The following CNTNAP2 variants were observed in gnomAD, a reference collection of about 807,000 sequenced individuals.
The protein encoded by CNTNAP2 is contactin associated protein 2.
A neutral mutation model predicts 155.2 loss-of-function variants in CNTNAP2; 98 were observed. The observed-to-expected ratio is 0.63, with a 90% CI of 0.54 to 0.75. The LOEUF is 0.75. Ranked by LOEUF, CNTNAP2 falls within the 30% of genes least tolerant of loss-of-function variation. CNTNAP2 has a pLI of 0.00. For synonymous variants in CNTNAP2, 651 were observed against 631.2 expected, an observed-to-expected ratio of 1.03 and a Z score of -0.47; for missense variants, 1,727 against 1,688.1, an observed-to-expected ratio of 1.02 and a Z score of -0.40.
chr7:147,852,290 C>G (rs1397598862), intron 13 of CNTNAP2, among the ~76,000 whole-genome samples: 2 of 152,214 alleles, frequency 1.3e-5, no homozygotes, highest in Middle Eastern at 3.2e-3. Context: ...TTTCCATCCA[C>G]TCTTCCTATT....
intron 9 of CNTNAP2, among the ~76,000 whole-genome samples, chr7:147,394,047 C>A (rs754190775): frequency 1.3e-5 from 2 of 152,032 alleles, no homozygotes; most frequent in Non-Finnish European, 2.9e-5. Context: ...CAAATCTCAT[C>A]TTGAATTGTA....
chr7:147,797,568 AAAT>A (rs1797917718), intron 13 of CNTNAP2, among the ~76,000 whole-genome samples: 1 of 152,160 alleles, frequency 6.6e-6, no homozygotes, highest in African/African-American at 2.4e-5. Flanking sequence ...TATTTTGTCA[AAAT>A]AAGTTTTAGA....
chr7:147,533,248 A>T (rs1799473977), intron 11 of CNTNAP2, among the ~76,000 whole-genome samples: 1 of 152,198 alleles, frequency 6.6e-6, no homozygotes, highest in African/African-American at 2.4e-5. Context: ...TTCAAAGATA[A>T]TGTTTATTCA....
intron 21 of CNTNAP2, among the ~76,000 whole-genome samples, chr7:148,343,740 C>T (rs1454142910): frequency 2.6e-5 from 4 of 152,158 alleles, no homozygotes; most frequent in African/African-American, 9.7e-5. Context: ...GGATGATTGA[C>T]AAAATTCTGG....
chr7:148,065,688 G>A (rs982906927), intron 15 of CNTNAP2, among the ~76,000 whole-genome samples: 5 of 152,072 alleles, frequency 3.3e-5, no homozygotes, highest in Admixed American at 2.0e-4. Context: ...CCTTATGTTA[G>A]GTGAGTCTCT....
At chr7:147,123,168 G>A (rs191449493) in intron 6 of CNTNAP2, among the ~76,000 whole-genome samples, 1 of 152,110 alleles carries the variant, frequency 6.6e-6, no homozygotes. Flanking sequence ...GAAAATGTAT[G>A]TGAACATCCC....
At chr7:148,375,760 C>T (rs892878890) in intron 21 of CNTNAP2, among the ~76,000 whole-genome samples, 2 of 150,546 alleles carry the variant, frequency 1.3e-5, no homozygotes, top group African/African-American at 2.5e-5. Context: ...TTTGGGAGGC[C>T]GAGGCAGGTG....
chr7:146,327,686 G>C (rs1801119778), intron 1 of CNTNAP2, among the ~76,000 whole-genome samples: 1 of 152,118 alleles, frequency 6.6e-6, no homozygotes, highest in South Asian at 2.1e-4. Flanking sequence ...AGTGGCTTTT[G>C]TAATAAAAAG....
At chr7:146,855,231 A>C (rs1463671182) in intron 3 of CNTNAP2, among the ~76,000 whole-genome samples, 1 of 152,190 alleles carries the variant, frequency 6.6e-6, no homozygotes, top group Admixed American at 6.5e-5. Flanking sequence ...TATACTCCTG[A>C]TGAGCATGTC....
At chr7:147,083,517 T>C (rs891265072) in intron 4 of CNTNAP2, among the ~76,000 whole-genome samples, 4 of 135,558 alleles carry the variant, frequency 3.0e-5, no homozygotes, top group Non-Finnish European at 6.3e-5. Flanking sequence ...AAAGTAAACA[T>C]CATTTTATAT....
At chr7:146,548,657 G>A (rs1433858278) in intron 1 of CNTNAP2, among the ~76,000 whole-genome samples, 1 of 151,886 alleles carries the variant, frequency 6.6e-6, no homozygotes, top group African/African-American at 2.4e-5. Flanking sequence ...GTCTGGTCAA[G>A]TCCATAGCTC....
rs118004953 is a variant in CNTNAP2, at chr7:148,048,938, G to A, written c.2384-69180G>A. On this transcript the variant is annotated intron_variant, in intron 15 of 23. Coordinates refer to ENST00000361727, the MANE Select transcript of CNTNAP2 (RefSeq NM_014141.6). Reference sequence around the variant, plus strand: ...CTATAAAAATGTGGCTAGGCCGGGCGTGGTGGCTCGTGCCTGTAATCCCAG... The same window carrying A: ...CTATAAAAATGTGGCTAGGCCGGGCATGGTGGCTCGTGCCTGTAATCCCAG... Among the ~76,000 whole-genome samples, 485 of 152,170 alleles carry A rather than the reference G, an allele frequency of 3.2e-3. 12 individuals are homozygous for A. In the East Asian group the frequency reaches 0.069, roughly 22 times the overall value.
intron 1 of CNTNAP2, among the ~76,000 whole-genome samples, chr7:146,741,111 T>C (rs975434934): frequency 6.6e-6 from 1 of 152,132 alleles, no homozygotes; most frequent in Non-Finnish European, 1.5e-5. Flanking sequence ...TCTCTTTCCA[T>C]ACTGTGCTGC....
At chr7:147,062,702 A>G (rs1799706218) in intron 4 of CNTNAP2, among the ~76,000 whole-genome samples, 1 of 152,126 alleles carries the variant, frequency 6.6e-6, no homozygotes, top group Non-Finnish European at 1.5e-5. Flanking sequence ...AGCCCTTATT[A>G]TTATTGCTGC....
chr7:146,823,275 A>T (rs931266361), intron 2 of CNTNAP2, among the ~76,000 whole-genome samples: 1 of 149,734 alleles, frequency 6.7e-6, no homozygotes, highest in African/African-American at 2.4e-5. Flanking sequence ...CAGTATAATT[A>T]CATGTAAATA....
At chr7:147,445,977 G>C (rs151315488) in intron 10 of CNTNAP2, among the ~76,000 whole-genome samples, 3 of 151,916 alleles carry the variant, frequency 2.0e-5, no homozygotes, top group Non-Finnish European at 4.4e-5. Context: ...CAAAGGTTCT[G>C]AGTGGTTGTA....
At chr7:146,405,652 G>A (rs1424302590) in intron 1 of CNTNAP2, among the ~76,000 whole-genome samples, 1 of 152,144 alleles carries the variant, frequency 6.6e-6, no homozygotes, top group Non-Finnish European at 1.5e-5. Flanking sequence ...ACTGGCTAGT[G>A]AATTTTTTGA....
At chr7:148,390,116 G>A (rs1799313670) in intron 22 of CNTNAP2, among the ~76,000 whole-genome samples, 1 of 152,156 alleles carries the variant, frequency 6.6e-6, no homozygotes. Flanking sequence ...CATGGTTTAT[G>A]AAAAACAATA....
intron 1 of CNTNAP2, among the ~76,000 whole-genome samples, chr7:146,685,598 A>G (rs920405773): frequency 6.6e-6 from 1 of 152,196 alleles, no homozygotes; most frequent in East Asian, 1.9e-4. Flanking sequence ...TTTCACACAG[A>G]ACAAATAAGT....
Sources: gnomAD v4.1 joint callset for allele counts (sites outside exome capture counted in the v4.1 genomes callset) on GRCh38, gnomAD v4.1.1 for gene constraint, MANE v1.5 for transcripts, NCBI Gene and HGNC (gene_info 2026-07-23, HGNC 2026-07-21) for gene names.